Variants in IL1RAPL2 observed in about 807,000 individuals in gnomAD.
IL1RAPL2 encodes X-linked interleukin-1 receptor accessory protein-like 2.
A neutral mutation model predicts 44.1 loss-of-function variants in IL1RAPL2; 3 were observed. The ratio of observed to expected loss-of-function variants is 0.07; its 90% CI spans 0.03 to 0.18. The LOEUF (loss-of-function observed/expected upper bound fraction) is 0.18. Ranked by LOEUF, IL1RAPL2 falls within the 10% of genes least tolerant of loss-of-function variation. IL1RAPL2 has a pLI of 1.00. For missense variants in IL1RAPL2, 391 were observed against 496.4 expected, an observed-to-expected ratio of 0.79 and a Z score of 2.02; for synonymous variants, 181 against 178.8, an observed-to-expected ratio of 1.01 and a Z score of -0.10.
At chrX:105,527,232 A>G (rs766834864) in intron 6 of IL1RAPL2, among the ~76,000 whole-genome samples, 1 of 111,136 alleles carries the variant, frequency 9.0e-6, no homozygotes, top group African/African-American at 3.3e-5. Context: ...ACATAATTTA[A>G]AATAAGATTG....
chrX:104,646,161 C>T (rs777341992), intron 1 of IL1RAPL2, among the ~76,000 whole-genome samples: 2 of 111,699 alleles, frequency 1.8e-5, no homozygotes, highest in South Asian at 7.5e-4. Flanking sequence ...AAGCCTTATG[C>T]TTTGAAATGG....
chrX:104,809,026 G>C (rs1932947034), intron 2 of IL1RAPL2, among the ~76,000 whole-genome samples: 1 of 111,673 alleles, frequency 9.0e-6, no homozygotes, highest in Non-Finnish European at 1.9e-5. Context: ...AAATTGCCTA[G>C]GGCTTCACAC....
At chrX:105,038,960 A>C (rs889747202) in intron 2 of IL1RAPL2, among the ~76,000 whole-genome samples, 1 of 111,807 alleles carries the variant, frequency 8.9e-6, no homozygotes, top group African/African-American at 3.2e-5. Flanking sequence ...ACAGACAGGT[A>C]GTTTCAATAA....
At chrX:104,735,388 A>G (rs1931994439) in intron 2 of IL1RAPL2, among the ~76,000 whole-genome samples, 1 of 110,871 alleles carries the variant, frequency 9.0e-6, no homozygotes, top group African/African-American at 3.3e-5. Flanking sequence ...TTCCTGATGA[A>G]CCTACCTCAT....
rs139319466 is a variant in IL1RAPL2, at chrX:104,865,371, T to G, written c.82+206376T>G. ...TGTGTGAAGGATAGCTATATTATGT[T>G]AGGCATAATTATGACCTTATTGTTG... On this transcript the variant is annotated intron_variant, in intron 2 of 10. Coordinates refer to ENST00000372582, the MANE Select transcript of IL1RAPL2 (RefSeq NM_017416.2). Among the ~76,000 whole-genome samples, 5 of 112,170 alleles carry G rather than the reference T, an allele frequency of 4.5e-5. No homozygotes were observed. In the East Asian group the frequency reaches 1.1e-3, roughly 25 times the overall value.
At chrX:104,910,126 T>C (rs2147682420) in intron 2 of IL1RAPL2, among the ~76,000 whole-genome samples, 1 of 112,180 alleles carries the variant, frequency 8.9e-6, no homozygotes, top group African/African-American at 3.2e-5. Flanking sequence ...CCAGGTGCCG[T>C]CCGTCACCCC....
intron 6 of IL1RAPL2, among the ~76,000 whole-genome samples, chrX:105,660,103 A>T (rs78728899): frequency 0.065 from 7,219 of 111,449 alleles, 601 homozygotes; most frequent in African/African-American, 0.22. Flanking sequence ...CCCAAAGGTC[A>T]AGGATGAAGA....
intron 2 of IL1RAPL2, among the ~76,000 whole-genome samples, chrX:104,828,688 A>G (rs1454097301): frequency 1.8e-5 from 2 of 112,589 alleles, no homozygotes; most frequent in Non-Finnish European, 3.8e-5. Context: ...CTTCAGAGCC[A>G]GCAGGCAGGA....
At chrX:104,962,394 A>G (rs1200940881) in intron 2 of IL1RAPL2, among the ~76,000 whole-genome samples, 1 of 111,981 alleles carries the variant, frequency 8.9e-6, no homozygotes, top group African/African-American at 3.2e-5. Flanking sequence ...ATTATAAGAA[A>G]CAATGAAAAT....
At chrX:104,643,263 G>A (rs1421255577) in intron 1 of IL1RAPL2, among the ~76,000 whole-genome samples, 1 of 111,645 alleles carries the variant, frequency 9.0e-6, no homozygotes. Flanking sequence ...ATCCCAGGGT[G>A]TAGTTACATA....
chrX:105,618,451 AAG>A (rs1407621205), intron 6 of IL1RAPL2, among the ~76,000 whole-genome samples: 1 of 111,351 alleles, frequency 9.0e-6, no homozygotes, highest in Non-Finnish European at 1.9e-5. Context: ...TAAAAAAAAA[AAG>A]GTTTCAGTTA....
At chrX:104,791,993 AG>A (rs1932828671) in intron 2 of IL1RAPL2, among the ~76,000 whole-genome samples, 1 of 111,385 alleles carries the variant, frequency 9.0e-6, no homozygotes, top group African/African-American at 3.3e-5. Flanking sequence ...GTGGATGCTA[AG>A]AAGGTGAGTT....
chrX:105,578,970 T>G (rs2037069982), intron 6 of IL1RAPL2, among the ~76,000 whole-genome samples: 1 of 111,782 alleles, frequency 8.9e-6, no homozygotes, highest in African/African-American at 3.2e-5. Context: ...TACTGAAGTA[T>G]TCAGCCATCT....
At chrX:104,888,965 G>T (rs1176022546) in intron 2 of IL1RAPL2, among the ~76,000 whole-genome samples, 1 of 111,172 alleles carries the variant, frequency 9.0e-6, no homozygotes, top group Non-Finnish European at 1.9e-5. Flanking sequence ...AACTTTCTAA[G>T]TTCCTTTATG....
chrX:105,328,599 T>A (rs751784914), intron 5 of IL1RAPL2, among the ~76,000 whole-genome samples: 2 of 111,725 alleles, frequency 1.8e-5, no homozygotes, highest in African/African-American at 6.5e-5. Flanking sequence ...GGCATTGCGT[T>A]TACCTGCAGC....
chrX:104,936,583 A>C (rs1230896184), intron 2 of IL1RAPL2, among the ~76,000 whole-genome samples: 2 of 108,356 alleles, frequency 1.8e-5, no homozygotes, highest in Non-Finnish European at 3.8e-5. Context: ...ATATCACTGG[A>C]GATATAAGCA....
chrX:105,392,934 C>T (rs1245366584), intron 5 of IL1RAPL2, among the ~76,000 whole-genome samples: 4 of 111,998 alleles, frequency 3.6e-5, no homozygotes, highest in Non-Finnish European at 5.6e-5. Flanking sequence ...TTCTTTTTTG[C>T]ATCCATTTTA....
chrX:104,908,310 G>A (rs1403977356), intron 2 of IL1RAPL2, among the ~76,000 whole-genome samples: 2 of 111,337 alleles, frequency 1.8e-5, no homozygotes, highest in Admixed American at 1.9e-4. Context: ...TACATTTAAA[G>A]TTAATATTGT....
At chrX:104,747,298 T>G (rs1260223340) in intron 2 of IL1RAPL2, among the ~76,000 whole-genome samples, 2 of 111,563 alleles carry the variant, frequency 1.8e-5, no homozygotes, top group African/African-American at 6.5e-5. Flanking sequence ...ATTCTCTGTC[T>G]GTTTCATTGC....
Sources: gnomAD v4.1 joint callset for allele counts (sites outside exome capture counted in the v4.1 genomes callset) on GRCh38, gnomAD v4.1.1 for gene constraint, MANE v1.5 for transcripts, NCBI Gene and HGNC (gene_info 2026-07-23, HGNC 2026-07-21) for gene names.